Variants in COL12A1 observed in about 807,000 individuals in gnomAD.
COL12A1 encodes collagen alpha-1(XII) chain.
Under a neutral mutation model 349.7 loss-of-function variants are expected in COL12A1, and 114 were observed. The observed-to-expected ratio is 0.33, with a 90% CI of 0.28 to 0.38. The LOEUF (loss-of-function observed/expected upper bound fraction) is 0.38. COL12A1 is among the 10% of genes least tolerant of loss of function. The pLI, the probability that COL12A1 is intolerant of heterozygous loss-of-function variation, is 1.00. For synonymous variants in COL12A1, 1,369 were observed against 1,329.0 expected (o/e 1.03, Z -0.66); for missense variants, 3,284 against 3,756.9 (o/e 0.87, Z 3.29).
rs1769938135 is a variant in COL12A1 at position 75,191,706 on chromosome 6, A to G, written c.389T>C (p.Ile130Thr). ...ATAGTAAGAGAAACACTCACTTTGT[A>G]TCTCGGTTTTTCCAGGTTTCTTCTC... ...PVEKKPGKTE[I>T]QKCSVSAWTD... is the part of the protein sequence containing the mutation. The change falls in exon 5 of 66, where the codon ATA (isoleucine) becomes ACA (threonine). Residue 130 changes from isoleucine (I) to threonine (T), a missense_variant. By Grantham distance (89) the Ile-to-Thr change is moderately conservative. This residue lies in a region of COL12A1 where 2,601 missense variants were observed against 2,824.8 expected (regional missense o/e 0.92). Transcript: ENST00000322507. 2.5e-6 allele frequency: 4 copies of G among 1,596,724 alleles called. No individual in the cohort carries two copies. The highest frequency in any genetic ancestry group is 2.3e-5 in the South Asian group (2 of 88,780).
At chr6:75,143,956 T>C (rs1767047140) in intron 25 of COL12A1, among the ~76,000 whole-genome samples, 1 of 152,190 alleles carries the variant, frequency 6.6e-6, no homozygotes, top group Non-Finnish European at 1.5e-5. Flanking sequence ...GGAAGGAGGA[T>C]ACGGAATGAG....
rs1452906634 is a variant in COL12A1 at position 75,132,184 on chromosome 6, C to T, written c.5795-102G>A. 14 of 1,399,986 alleles carry T rather than the reference C, an allele frequency of 1.0e-5. No homozygotes were observed. In the East Asian group the frequency reaches 2.1e-4, roughly 21 times the overall value. 86.7% of individuals were successfully genotyped at this position (1,399,986 alleles called of 1,614,324 possible). A position where few individuals can be genotyped will look rare whatever the true frequency, so the allele number is the denominator to read the frequency against. On this transcript the variant is annotated intron_variant, in intron 34 of 65. Coordinates refer to ENST00000322507, the MANE Select transcript of COL12A1 (RefSeq NM_004370.6). ...CTACATTCTGTAACAGGATAAAATG[C>T]TATCTTCTTTATACTTCTAATTACC...
In COL12A1 at chr6:75,158,990, T is replaced by C. The variant is rs1767897797; in HGVS notation, c.2984-2467A>G. Among the ~76,000 whole-genome samples, 11 of 152,034 alleles carry C rather than the reference T, an allele frequency of 7.2e-5. No individual in the cohort carries two copies. In the South Asian group the frequency reaches 2.3e-3, roughly 32 times the overall value. ...ATGGGATGGACTGGTTCAAATTTTA[T>C]AAAAACCATAAACTCACAGATCCTA... On this transcript the variant is annotated intron_variant, in intron 14 of 65. Coordinates refer to ENST00000322507, the MANE Select transcript of COL12A1 (RefSeq NM_004370.6).
chr6:75,163,819 A>G (rs2149436072), intron 14 of COL12A1, among the ~76,000 whole-genome samples: 1 of 152,330 alleles, frequency 6.6e-6, no homozygotes, highest in East Asian at 1.9e-4. Context: ...TTTGGCGACA[A>G]CACATCTCTT....
chr6:75,155,632 T>C (rs780285336), intron 16 of COL12A1, 30 bp downstream of exon 16: 17 of 1,577,226 alleles, frequency 1.1e-5, no homozygotes, highest in Non-Finnish European at 1.5e-5. Context: ...ATTAATTTCA[T>C]CCTTTGATAC....
intron 16 of COL12A1, 124 bp from the exon 17 acceptor site, chr6:75,154,661 G>A: frequency 1.1e-6 from 1 of 921,738 alleles, no homozygotes; most frequent in Admixed American, 3.3e-5. Context: ...AGTTTATAGT[G>A]TACAACATTA....
chr6:75,132,182 T>TGC, intron 34 of COL12A1, 100 bp from the exon 35 acceptor site: 1 of 1,407,800 alleles, frequency 7.1e-7, no homozygotes, highest in South Asian at 1.4e-5. Context: ...CAGGATAAAA[T>TGC]GCTATCTTCT....
chr6:75,125,298 A>G (rs368766206), intron 39 of COL12A1, 25 bp from the exon 40 acceptor site: 136 of 1,574,196 alleles, frequency 8.6e-5, no homozygotes, highest in African/African-American at 1.1e-4. Context: ...ACAAAAATAC[A>G]CAGAAACATG....
intron 49 of COL12A1, among the ~76,000 whole-genome samples, chr6:75,114,910 T>G (rs549226123): frequency 2.2e-4 from 33 of 152,178 alleles, no homozygotes; most frequent in African/African-American, 7.2e-4. Context: ...AGTTAAAATG[T>G]AGAAATCATA....
intron 3 of COL12A1, 34 bp downstream of exon 3, chr6:75,194,797 G>C: frequency 7.6e-7 from 1 of 1,320,270 alleles, no homozygotes; most frequent in Non-Finnish European, 1.1e-6. Flanking sequence ...TCATCATGAT[G>C]CTTCTGTCCT....
chr6:75,149,608 A>C (rs1315552651), intron 21 of COL12A1, among the ~76,000 whole-genome samples: 2 of 152,104 alleles, frequency 1.3e-5, no homozygotes, highest in Admixed American at 1.3e-4. Context: ...AAATGGCCCA[A>C]ATAATAATTA....
At position 75,181,053 on chromosome 6, in the gene COL12A1, T is replaced by C. The variant is rs1769250930; in HGVS notation, c.2050A>G (p.Thr684Ala). The change falls in exon 11 of 66, where the codon ACC becomes GCC. Residue 684 changes from threonine to alanine, a missense_variant. Physicochemically the swap from Thr to Ala is moderately conservative, Grantham distance 58 (BLOSUM62 0). Coordinates refer to ENST00000322507, the MANE Select transcript of COL12A1 (RefSeq NM_004370.6). ...TTCAGGCTGCTGAGAACAACACTGG[T>C]GCTCGATGCTGGCTCCACCACAGTG... is the stretch of plus-strand genomic sequence containing the variant. ...EVTVVEPASS[T>A]SVVLSSLKPE... 1 of 1,613,956 alleles carries C rather than the reference T, an allele frequency of 6.2e-7. No homozygotes were observed. Among genetic ancestry groups the C allele is most frequent in the Admixed American group, 1.7e-5 (1 of 59,988 alleles).
intron 12 of COL12A1, among the ~76,000 whole-genome samples, chr6:75,177,107 A>T (rs1768997794): frequency 6.6e-6 from 1 of 152,332 alleles, no homozygotes; most frequent in South Asian, 2.1e-4. Flanking sequence ...TATTATTTTT[A>T]AAAGAATATT....
At chr6:75,152,100 G>A (rs1475324076) in intron 19 of COL12A1, 31 bp downstream of exon 19, 3 of 1,613,734 alleles carry the variant, frequency 1.9e-6, no homozygotes, top group Non-Finnish European at 2.5e-6. Flanking sequence ...AGAAGCATGA[G>A]CTGAAAGACT....
intron 7 of COL12A1, 46 bp downstream of exon 7, chr6:75,189,171 A>G (rs1024692895): frequency 2.5e-6 from 4 of 1,576,894 alleles, no homozygotes; most frequent in Admixed American, 3.5e-5. Context: ...CATTAAGTAT[A>G]CTGTAGGAGT....
intron 23 of COL12A1, 60 bp from the exon 24 acceptor site, chr6:75,146,304 C>T (rs1186375416): frequency 5.4e-6 from 8 of 1,489,656 alleles, no homozygotes; most frequent in Middle Eastern, 1.8e-4. Context: ...CATTTTTAAC[C>T]ATTGTTTTGT....
chr6:75,190,474 A>G (rs1402184493), intron 5 of COL12A1, among the ~76,000 whole-genome samples: 1 of 152,010 alleles, frequency 6.6e-6, no homozygotes, highest in Non-Finnish European at 1.5e-5. Context: ...AAATTTGACA[A>G]TTAAAACCTA....
intron 59 of COL12A1, among the ~76,000 whole-genome samples, chr6:75,095,948 G>T (rs1419233888): frequency 6.6e-6 from 1 of 152,152 alleles, no homozygotes; most frequent in Non-Finnish European, 1.5e-5. Context: ...GGGCACCATG[G>T]TGGCAGAGTC....
chr6:75,122,054 T>TA (rs1228188496), intron 43 of COL12A1, among the ~76,000 whole-genome samples: 1 of 152,074 alleles, frequency 6.6e-6, no homozygotes, highest in Middle Eastern at 3.2e-3. Context: ...GAGACGGGTT[T>TA]AACCATGTTG....
Sources: allele counts gnomAD v4.1 joint callset (sites outside exome capture counted in the v4.1 genomes callset), GRCh38; gene constraint gnomAD v4.1.1; regional missense constraint gnomAD v4.1.1; transcripts MANE v1.5; gene names NCBI Gene and HGNC (gene_info 2026-07-23, HGNC 2026-07-21).